Variants in TUB observed in about 807,000 individuals in gnomAD.
TUB encodes tubby protein homolog.
Under a neutral mutation model 59.7 loss-of-function variants are expected in TUB, and 33 were observed. The observed-to-expected ratio is 0.55, with a 90% CI of 0.42 to 0.74. The LOEUF (loss-of-function observed/expected upper bound fraction) is 0.74, where lower values mean the gene tolerates loss of function less well. TUB is among the 30% of genes least tolerant of loss of function. The pLI, the probability that TUB is intolerant of heterozygous loss-of-function variation, is 0.00. For synonymous variants in TUB, 293 were observed against 256.4 expected (o/e 1.14, Z -1.36); for missense variants, 659 against 672.0 (o/e 0.98, Z 0.21).
rs573719560 is a variant in TUB, at chr11:8,023,472, T to C, written c.56+4114T>C. On this transcript the variant is annotated intron_variant, in intron 1 of 11. Transcript: ENST00000534099. The stretch of plus-strand genomic sequence containing the variant: ...TCCAGTTCACTCTATTCCATTCTAT[T>C]CTCAGGCTACACCCTGGTCTCAGTT... 7.2e-5 allele frequency among the ~76,000 whole-genome samples: 11 copies of C among 152,298 alleles called. No individual in the cohort carries two copies. In the South Asian group the frequency reaches 2.3e-3, roughly 32 times the overall value.
chr11:8,097,490 A>G lies in TUB; in HGVS notation c.885+65A>G, dbSNP rs11822996. ...GCCCTTTGAAATCCTAGGGGCTGAA[A>G]TGTGACTGGAAGTCTCATATCTACC... On this transcript the variant is annotated intron_variant, in intron 7 of 11. Transcript: ENST00000299506. The G allele has an allele frequency of 2.6e-3, 4,159 of 1,604,124 alleles. 118 individuals carry two copies. In the African/African-American group the frequency reaches 0.048, roughly 19 times the overall value.
chr11:8,072,666 C>G lies in TUB; in HGVS notation c.204-16944C>G, dbSNP rs889174842. ...CACACGTCCCTTCTCAGTTCATCCT[C>G]ACACACTATGTGCAGTAGGCAAGGA... On this transcript the variant is annotated intron_variant, in intron 2 of 12. Coordinates refer to the TUB transcript ENST00000305253. Among the ~76,000 whole-genome samples, 8 of 152,206 alleles carry G rather than the reference C, an allele frequency of 5.3e-5. 1 individual carries two copies. Among genetic ancestry groups the G allele is most frequent in the Admixed American group, 2.0e-4 (3 of 15,288 alleles).
intron 2 of TUB, among the ~76,000 whole-genome samples, chr11:8,047,647 C>G (rs1942856766): frequency 6.6e-6 from 1 of 152,228 alleles, no homozygotes; most frequent in African/African-American, 2.4e-5. Flanking sequence ...TGCTGCCTCC[C>G]TGCTCTACTG....
chr11:8,039,699 T>G, intron 2 of TUB: 1 of 1,529,752 alleles, frequency 6.5e-7, no homozygotes, highest in African/African-American at 1.4e-5. Flanking sequence ...CTCGGTGAGC[T>G]GGAGGGGAGG....
At chr11:8,060,854 G>A (rs991991189) in intron 2 of TUB, among the ~76,000 whole-genome samples, 1 of 152,220 alleles carries the variant, frequency 6.6e-6, no homozygotes, top group Non-Finnish European at 1.5e-5. Flanking sequence ...CACACACTGA[G>A]AAAACCAAGC....
chr11:8,094,949 C>G (rs1267184279), intron 4 of TUB, among the ~76,000 whole-genome samples: 2 of 152,212 alleles, frequency 1.3e-5, no homozygotes, highest in Non-Finnish European at 2.9e-5. Flanking sequence ...TGCTGAAGCT[C>G]TGTGGTAACG....
rs144473419 is a variant in TUB at position 8,092,308 on chromosome 11, C to T, written c.254-1738C>T. ...AGTGAGCAGGGTGTGGTGACACCTG[C>T]CTGTAGTCCCAGCTACGTAGGAGGA... is the stretch of plus-strand genomic sequence containing the variant. On this transcript the variant is annotated intron_variant, in intron 3 of 11. Coordinates refer to ENST00000299506, the MANE Select transcript of TUB (RefSeq NM_177972.3). 7.7e-3 allele frequency among the ~76,000 whole-genome samples: 1,165 copies of T among 152,164 alleles called. 8 individuals are homozygous for T. The highest frequency in any genetic ancestry group is 0.027 in the African/African-American group (1,101 of 41,494).
At position 8,101,856 on chromosome 11, in the gene TUB, G is replaced by GATACTGCAA; in HGVS notation, c.*237_*238insATACTGCAA. Reference sequence around the variant, plus strand: ...AAGGGATGAGAATAATTCTTTCCATGCCACGAGATCAACACACACTCCCAC... The same window carrying GATACTGCAA: ...AAGGGATGAGAATAATTCTTTCCATGATACTGCAACCACGAGATCAACACACACTCCCAC... On this transcript the variant is annotated 3_prime_UTR_variant, in exon 12 of 12. Coordinates refer to ENST00000299506, the MANE Select transcript of TUB (RefSeq NM_177972.3). 1 of 482,862 alleles carries GATACTGCAA rather than the reference G, an allele frequency of 2.1e-6. No individual in the cohort carries two copies. Among genetic ancestry groups the GATACTGCAA allele is most frequent in the South Asian group, 3.7e-5 (1 of 26,830 alleles). The allele number at this position is 482,862 out of a possible 1,614,324, so 29.9% of individuals were successfully genotyped here.
chr11:8,078,765 C>T (rs1317339544), upstream of TUB, among the ~76,000 whole-genome samples: 1 of 152,104 alleles, frequency 6.6e-6, no homozygotes, highest in East Asian at 1.9e-4. Flanking sequence ...CCCCCAACTT[C>T]CCATGCACAC....
At chr11:8,040,377 G>A (rs76374192) in intron 2 of TUB, among the ~76,000 whole-genome samples, 360 of 152,242 alleles carry the variant, frequency 2.4e-3, no homozygotes, top group African/African-American at 7.8e-3. Context: ...GTGTCTGCTG[G>A]GCGTCCCCAA....
At chr11:8,074,733 T>G (rs1219793423) in intron 2 of TUB, among the ~76,000 whole-genome samples, 2 of 130,964 alleles carry the variant, frequency 1.5e-5, no homozygotes, top group Non-Finnish European at 3.2e-5. Flanking sequence ...GAGTGAGACC[T>G]CGTGTCTTTT....
intron 2 of TUB, among the ~76,000 whole-genome samples, chr11:8,058,414 A>G (rs1352451222): frequency 6.6e-6 from 1 of 152,124 alleles, no homozygotes; most frequent in African/African-American, 2.4e-5. Context: ...ATGCTCAGTC[A>G]CATCACAGAT....
chr11:8,095,444 C>T (rs1253771362), intron 4 of TUB, 54 bp from the exon 5 acceptor site: 2 of 1,546,738 alleles, frequency 1.3e-6, no homozygotes, highest in African/African-American at 2.7e-5. Context: ...TCTGAGAATC[C>T]AGGCCCTCCT....
chr11:8,101,127 T>C (rs1300285531), intron 11 of TUB, 130 bp downstream of exon 11: 2 of 1,129,490 alleles, frequency 1.8e-6, no homozygotes, highest in African/African-American at 3.1e-5. Context: ...TAAGGTTAGA[T>C]GTATGGAACT....
intron 1 of TUB, among the ~76,000 whole-genome samples, chr11:8,083,943 G>A (rs1943618827): frequency 6.6e-6 from 1 of 152,206 alleles, no homozygotes; most frequent in Non-Finnish European, 1.5e-5. Context: ...ATTGCCTCTT[G>A]CATTAACTGG....
intron 1 of TUB, among the ~76,000 whole-genome samples, chr11:8,020,428 T>G (rs1299695384): frequency 6.6e-6 from 1 of 152,182 alleles, no homozygotes; most frequent in African/African-American, 2.4e-5. Context: ...CCCTCCTGCC[T>G]AAGGCTAGTT....
At chr11:8,088,496 G>T (rs1589960798) in intron 1 of TUB, among the ~76,000 whole-genome samples, 1 of 152,194 alleles carries the variant, frequency 6.6e-6, no homozygotes, top group South Asian at 2.1e-4. Context: ...GCATGCACAT[G>T]TGCACACACA....
Position 8,094,097 on chromosome 11 carries a change from C to A in TUB, c.305C>A (p.Thr102Lys), listed in dbSNP as rs1417870722. ...ASVQLGATRP[T>K]APASAKRTKA... is the part of the protein sequence containing the mutation. ...GTGCAGCTGGGAGCCACGCGCCCAA[C>A]AGCACCAGCTTCAGCCAAGAGAACC... The change falls in exon 4 of 12, where the codon ACA becomes AAA. Residue 102 changes from threonine (T) to lysine (K), a missense_variant. Around this residue, in one of 3 missense-constraint regions of TUB, gnomAD observed 321 missense variants for 304.3 expected, o/e 1.05. Transcript: ENST00000299506. 24 of 1,614,072 alleles carry A rather than the reference C, an allele frequency of 1.5e-5. No individual in the cohort carries two copies. Among genetic ancestry groups the A allele is most frequent in the Non-Finnish European group, 1.9e-5 (23 of 1,180,032 alleles).
rs1944122014 is a variant in TUB at position 8,098,808 on chromosome 11, C to T, written c.1049C>T (p.Pro350Leu). ...ACTGTTTATGACAATGGAGTCAACC[C>T]TCAGAAGGCCTCATCCTCCACTTTG... is the stretch of plus-strand genomic sequence containing the variant. ...KFTVYDNGVN[P>L]QKASSSTLES... The change falls in exon 9 of 12, where the codon CCT (proline) becomes CTT (leucine). Residue 350 changes from proline (P) to leucine (L), a missense_variant. By Grantham distance (98) the Pro-to-Leu change is moderately conservative. This residue lies in a region of TUB where 226 missense variants were observed against 210.8 expected (regional missense o/e 1.07). Transcript: ENST00000299506. 1 of 1,614,092 alleles carries T rather than the reference C, an allele frequency of 6.2e-7. No homozygotes were observed. Among genetic ancestry groups the T allele is most frequent in the Non-Finnish European group, 8.5e-7 (1 of 1,180,060 alleles).
Sources: allele counts gnomAD v4.1 joint callset (sites outside exome capture counted in the v4.1 genomes callset), GRCh38; gene constraint gnomAD v4.1.1; regional missense constraint gnomAD v4.1.1; transcripts MANE v1.5; gene names NCBI Gene and HGNC (gene_info 2026-07-23, HGNC 2026-07-21).